Variants in HTR4 observed in about 807,000 individuals in gnomAD.
The protein encoded by HTR4 is 5-hydroxytryptamine (serotonin) receptor 4, G protein-coupled.
A neutral mutation model predicts 36.8 loss-of-function variants in HTR4; 16 were observed. The ratio of observed to expected loss-of-function variants is 0.43; its 90% CI spans 0.29 to 0.66. The LOEUF is 0.66. Ranked by LOEUF, HTR4 falls within the 30% of genes least tolerant of loss-of-function variation. The pLI, the probability that HTR4 is intolerant of heterozygous loss-of-function variation, is 0.13. For missense variants in HTR4, 438 were observed against 490.9 expected, an observed-to-expected ratio of 0.89 and a Z score of 1.02; for synonymous variants, 189 against 185.1, an observed-to-expected ratio of 1.02 and a Z score of -0.17.
intron 5 of HTR4, among the ~76,000 whole-genome samples, chr5:148,516,611 CCTGGCCA>C (rs1757769773): frequency 6.6e-6 from 1 of 150,574 alleles, no homozygotes; most frequent in Non-Finnish European, 1.5e-5. Flanking sequence ...AGCCACCGCA[CCTGGCCA>C]AAAATTCCCT....
chr5:148,592,818 T>C (rs1480174107), intron 2 of HTR4, among the ~76,000 whole-genome samples: 1 of 152,154 alleles, frequency 6.6e-6, no homozygotes, highest in Non-Finnish European at 1.5e-5. Flanking sequence ...ATATTATTTA[T>C]CTCTGTACTA....
chr5:148,572,395 T>A (rs537607654), intron 2 of HTR4, among the ~76,000 whole-genome samples: 1 of 152,234 alleles, frequency 6.6e-6, no homozygotes, highest in East Asian at 1.9e-4. Flanking sequence ...ACATGGCTGG[T>A]AGATAGTCCA....
intron 6 of HTR4, among the ~76,000 whole-genome samples, chr5:148,503,548 G>T (rs1757038557): frequency 6.6e-6 from 1 of 152,200 alleles, no homozygotes; most frequent in Admixed American, 6.5e-5. Context: ...ATGCCAAATT[G>T]TAAAGACTAT....
At chr5:148,473,214 C>A (rs184936153), downstream of HTR4, among the ~76,000 whole-genome samples, 2 of 148,820 alleles carry the variant, frequency 1.3e-5, no homozygotes, top group Admixed American at 6.8e-5. Flanking sequence ...CAGGGGATGG[C>A]GTGAACGCAG....
intron 2 of HTR4, among the ~76,000 whole-genome samples, chr5:148,627,533 T>C (rs978130288): frequency 6.6e-6 from 1 of 152,218 alleles, no homozygotes; most frequent in Non-Finnish European, 1.5e-5. Flanking sequence ...CGCATCTATA[T>C]TTGATATGCA....
intron 4 of HTR4, among the ~76,000 whole-genome samples, chr5:148,528,693 TC>T (rs1758404301): frequency 6.6e-6 from 1 of 152,104 alleles, no homozygotes; most frequent in African/African-American, 2.4e-5. Flanking sequence ...GATTTTCAGT[TC>T]CTATATTTGG....
At chr5:148,567,031 A>G (rs1006371965) in intron 2 of HTR4, among the ~76,000 whole-genome samples, 2 of 151,944 alleles carry the variant, frequency 1.3e-5, no homozygotes, top group South Asian at 2.1e-4. Context: ...ATTATATGAA[A>G]TCCGCACGTA....
intron 1 of HTR4, chr5:148,645,461 T>C (rs1372362961): frequency 1.3e-5 from 2 of 152,220 alleles, no homozygotes; most frequent in Non-Finnish European, 2.9e-5. Flanking sequence ...TAAACATCTT[T>C]TTTTTTGCTT....
chr5:148,534,835 C>G (rs1162159933), intron 4 of HTR4, among the ~76,000 whole-genome samples: 1 of 152,080 alleles, frequency 6.6e-6, no homozygotes, highest in Non-Finnish European at 1.5e-5. Flanking sequence ...AGACCCTTGT[C>G]CACAACCACT....
At chr5:148,622,724 A>G (rs1752958831) in intron 2 of HTR4, among the ~76,000 whole-genome samples, 1 of 152,220 alleles carries the variant, frequency 6.6e-6, no homozygotes, top group Admixed American at 6.5e-5. Context: ...ATTTTGCTAG[A>G]TATTGTGAGA....
intron 2 of HTR4, among the ~76,000 whole-genome samples, chr5:148,614,995 C>T (rs1218805047): frequency 6.6e-6 from 1 of 152,112 alleles, no homozygotes; most frequent in Admixed American, 6.5e-5. Context: ...CATCTCACAC[C>T]AGTTAGAATG....
intron 6 of HTR4, among the ~76,000 whole-genome samples, chr5:148,509,051 A>G (rs1245295343): frequency 6.6e-6 from 1 of 152,160 alleles, no homozygotes; most frequent in Non-Finnish European, 1.5e-5. Context: ...TAACACCTTT[A>G]AATAATAATA....
At chr5:148,510,874 G>C (rs907724141) in intron 5 of HTR4, among the ~76,000 whole-genome samples, 4 of 152,212 alleles carry the variant, frequency 2.6e-5, no homozygotes, top group African/African-American at 4.8e-5. Context: ...GGGCCTTAGG[G>C]CTTGGGGGAA....
chr5:148,476,663 T>C, downstream of HTR4: 1 of 1,595,026 alleles, frequency 6.3e-7, no homozygotes, highest in Non-Finnish European at 8.5e-7. Context: ...TTTGATAACT[T>C]CAGTGTACAA....
At chr5:148,571,360 G>A (rs547806646) in intron 2 of HTR4, among the ~76,000 whole-genome samples, 4 of 152,126 alleles carry the variant, frequency 2.6e-5, no homozygotes, top group South Asian at 2.1e-4. Context: ...ATGTACAAAT[G>A]CACATATCTG....
At chr5:148,561,685 T>C (rs1373541803) in intron 2 of HTR4, among the ~76,000 whole-genome samples, 1 of 152,144 alleles carries the variant, frequency 6.6e-6, no homozygotes, top group Non-Finnish European at 1.5e-5. Context: ...AGAAATGTCT[T>C]CCTTTGGGGT....
intron 2 of HTR4, among the ~76,000 whole-genome samples, chr5:148,565,936 A>G (rs1479695354): frequency 6.6e-6 from 1 of 152,194 alleles, no homozygotes; most frequent in Non-Finnish European, 1.5e-5. Flanking sequence ...GTATTGCAGT[A>G]CTTGTCAATG....
chr5:148,495,118 A>T (rs967282118), intron 6 of HTR4, among the ~76,000 whole-genome samples: 2 of 152,240 alleles, frequency 1.3e-5, no homozygotes, highest in Admixed American at 6.5e-5. Flanking sequence ...GCCTGGTGAG[A>T]GAGCAGGGAA....
chr5:148,520,916 AC>A, intron 5 of HTR4: 1 of 1,367,804 alleles, frequency 7.3e-7, no homozygotes, highest in Non-Finnish European at 9.8e-7. Context: ...ACTTGTTCTG[AC>A]ATACCGCATG....
Sources: allele counts gnomAD v4.1 joint callset (sites outside exome capture counted in the v4.1 genomes callset), GRCh38; gene constraint gnomAD v4.1.1; transcripts MANE v1.5; gene names NCBI Gene and HGNC (gene_info 2026-07-23, HGNC 2026-07-21).